ICA1: variants seen among roughly 807,000 people sequenced by gnomAD.
The protein encoded by ICA1 is islet cell autoantigen 1.
In ICA1, 40 loss-of-function variants were observed where a neutral mutation model predicts 71.0. The ratio of observed to expected loss-of-function variants is 0.56; its 90% CI spans 0.44 to 0.73. The LOEUF (loss-of-function observed/expected upper bound fraction) is 0.73, where lower values mean the gene tolerates loss of function less well. Ranked by LOEUF, ICA1 falls within the 30% of genes least tolerant of loss-of-function variation. The probability of loss-of-function intolerance (pLI) is 0.00; values close to 1 mark genes in which losing one functional copy is unlikely to be tolerated. For synonymous variants in ICA1, 207 were observed against 209.5 expected (o/e 0.99, Z 0.10); for missense variants, 578 against 576.5 (o/e 1.00, Z -0.03).
rs1223500933 is a variant in ICA1, at chr7:8,123,426, C to G, written c.1330+4447G>C. Among the ~76,000 whole-genome samples, 1 of 152,024 alleles carries G rather than the reference C, an allele frequency of 6.6e-6. No individual in the cohort carries two copies. Among genetic ancestry groups the G allele is most frequent in the African/African-American group, 2.4e-5 (1 of 41,410 alleles). Reference sequence around the variant, plus strand: ...TGGATTGTGAGAGGGGGTGAGGGAGCTGGGGACGCGGCCCAGAGCTTGCAC... The same window carrying G: ...TGGATTGTGAGAGGGGGTGAGGGAGGTGGGGACGCGGCCCAGAGCTTGCAC... On this transcript the variant is annotated intron_variant, in intron 13 of 13. Coordinates refer to ENST00000402384, the MANE Select transcript of ICA1 (RefSeq NM_001136020.3). The surrounding 1 kb of genome is among the most constrained non-coding windows in gnomAD (Gnocchi z 4.1).
chr7:8,114,951 C>A, intron 13 of ICA1: 1 of 152,156 alleles, frequency 6.6e-6, no homozygotes, highest in Non-Finnish European at 1.5e-5. Flanking sequence ...TAGGAATGTG[C>A]TTGCCATCTG....
intron 12 of ICA1, among the ~76,000 whole-genome samples, chr7:8,131,502 A>G (rs1791428505): frequency 6.6e-6 from 1 of 152,194 alleles, no homozygotes; most frequent in Non-Finnish European, 1.5e-5. Context: ...GAGGTCTACC[A>G]ATGAATTTAG....
intron 6 of ICA1, among the ~76,000 whole-genome samples, chr7:8,195,975 C>T (rs558989506): frequency 1.8e-4 from 21 of 116,996 alleles, no homozygotes; most frequent in Non-Finnish European, 3.4e-4. Context: ...GAGGCTCCGT[C>T]TCACAACAAC....
chr7:8,227,370 G>A (rs931219249), intron 4 of ICA1, among the ~76,000 whole-genome samples: 1 of 152,128 alleles, frequency 6.6e-6, no homozygotes, highest in African/African-American at 2.4e-5. Context: ...ATGGAGAGAG[G>A]AAGGAGAATC....
At chr7:8,147,199 T>G (rs947041289) in intron 8 of ICA1, among the ~76,000 whole-genome samples, 1 of 152,112 alleles carries the variant, frequency 6.6e-6, no homozygotes, top group Non-Finnish European at 1.5e-5. Flanking sequence ...TCATCCTTTC[T>G]GTCTCCAGCC....
intron 1 of ICA1, among the ~76,000 whole-genome samples, chr7:8,238,852 G>A (rs1200330712): frequency 6.6e-6 from 1 of 152,030 alleles, no homozygotes; most frequent in Non-Finnish European, 1.5e-5. Flanking sequence ...AATCTTCCGG[G>A]GATACTAATA....
At chr7:8,224,007 C>A (rs527810152) in intron 4 of ICA1, among the ~76,000 whole-genome samples, 14 of 152,248 alleles carry the variant, frequency 9.2e-5, no homozygotes, top group African/African-American at 3.4e-4. Context: ...ACAGTTCTTG[C>A]CACTGGAATA....
chr7:8,164,967 C>T (rs1332851648), intron 6 of ICA1, among the ~76,000 whole-genome samples: 1 of 152,148 alleles, frequency 6.6e-6, no homozygotes, highest in East Asian at 1.9e-4. Context: ...GTCCTAGCTA[C>T]TCAGAGAGTT....
At chr7:8,233,778 A>G (rs1800995512) in intron 2 of ICA1, among the ~76,000 whole-genome samples, 1 of 152,166 alleles carries the variant, frequency 6.6e-6, no homozygotes. Context: ...TCTTACCACA[A>G]TAAAATAACA....
chr7:8,218,683 G>C (rs1305136298), intron 5 of ICA1, 180 bp from the exon 6 acceptor site: 3 of 627,480 alleles, frequency 4.8e-6, no homozygotes, highest in South Asian at 3.7e-5. Context: ...TAGTCAGCCA[G>C]AGAAGATTAT....
At chr7:8,218,887 G>C (rs552648580) in intron 5 of ICA1, 5 of 315,084 alleles carry the variant, frequency 1.6e-5, no homozygotes, top group African/African-American at 1.1e-4. Flanking sequence ...GGAATGGAGC[G>C]TATGTGATTA....
At chr7:8,174,221 G>A (rs531658720) in intron 6 of ICA1, among the ~76,000 whole-genome samples, 131 of 152,142 alleles carry the variant, frequency 8.6e-4, no homozygotes, top group South Asian at 6.6e-3. Context: ...TTCTTTTCCC[G>A]TCTGTTTTAC....
At chr7:8,219,586 G>T (rs1415209281) in intron 5 of ICA1, among the ~76,000 whole-genome samples, 1 of 152,192 alleles carries the variant, frequency 6.6e-6, no homozygotes, top group Non-Finnish European at 1.5e-5. Flanking sequence ...ACTTGTATAA[G>T]AATAACCTGC....
chr7:8,220,152 T>C (rs1280261987), intron 5 of ICA1, among the ~76,000 whole-genome samples: 7 of 152,212 alleles, frequency 4.6e-5, no homozygotes, highest in Admixed American at 4.6e-4. Flanking sequence ...TGGTAAGATT[T>C]AAGATGATAA....
At chr7:8,235,594 T>C (rs1442265756) in intron 2 of ICA1, among the ~76,000 whole-genome samples, 2 of 152,196 alleles carry the variant, frequency 1.3e-5, no homozygotes, top group African/African-American at 4.8e-5. Context: ...ATAAATAAGA[T>C]AGTAATAAAA....
chr7:8,200,144 C>T (rs552282851), intron 6 of ICA1, among the ~76,000 whole-genome samples: 44 of 151,960 alleles, frequency 2.9e-4, no homozygotes, highest in African/African-American at 4.6e-4. Context: ...ATGCATTGCA[C>T]GCCTGTATCA....
intron 1 of ICA1, among the ~76,000 whole-genome samples, chr7:8,238,700 A>G (rs944697708): frequency 1.3e-5 from 2 of 152,242 alleles, no homozygotes; most frequent in African/African-American, 2.4e-5. Context: ...GTAAGTTCTT[A>G]TAGTATGTGT....
At chr7:8,152,694 C>A (rs1220362294) in intron 8 of ICA1, among the ~76,000 whole-genome samples, 40 of 146,048 alleles carry the variant, frequency 2.7e-4, no homozygotes, top group African/African-American at 9.1e-4. Flanking sequence ...CACCACTACC[C>A]CCACCACTAC....
chr7:8,183,923 A>G (rs922727167), intron 6 of ICA1, among the ~76,000 whole-genome samples: 2 of 152,226 alleles, frequency 1.3e-5, no homozygotes, highest in African/African-American at 4.8e-5. Context: ...ATATATAAAA[A>G]ACATAGTATT....
Sources: gnomAD v4.1 joint callset for allele counts (sites outside exome capture counted in the v4.1 genomes callset) on GRCh38, gnomAD v4.1.1 for gene constraint, Gnocchi (gnomAD v3.1) non-coding constraint, MANE v1.5 for transcripts, NCBI Gene and HGNC (gene_info 2026-07-23, HGNC 2026-07-21) for gene names.